The following COX10 variants were observed in gnomAD, a reference collection of about 807,000 sequenced individuals.
The protein encoded by COX10 is protoheme IX farnesyltransferase, mitochondrial.
A neutral mutation model predicts 37.3 loss-of-function variants in COX10; 27 were observed. The observed-to-expected ratio is 0.72, with a 90% CI of 0.53 to 1.00. The LOEUF (loss-of-function observed/expected upper bound fraction) is 1.00, where lower values mean the gene tolerates loss of function less well. Ranked by LOEUF, COX10 falls within the 50% of genes least tolerant of loss-of-function variation. The pLI is 0.00. For missense variants in COX10, 475 were observed against 563.2 expected (o/e 0.84, Z 1.59); for synonymous variants, 222 against 229.1 (o/e 0.97, Z 0.28).
intron 1 of COX10, among the ~76,000 whole-genome samples, chr17:14,072,768 A>G (rs1016489141): frequency 6.6e-6 from 1 of 152,192 alleles, no homozygotes; most frequent in East Asian, 1.9e-4. Context: ...TGGGGTTGTG[A>G]TAGTTCTCCT....
intron 5 of COX10, among the ~76,000 whole-genome samples, chr17:14,171,044 G>C (rs1905450497): frequency 6.6e-6 from 1 of 152,072 alleles, no homozygotes; most frequent in Non-Finnish European, 1.5e-5. Flanking sequence ...TCAAAGGATG[G>C]GGAGAAGTAA....
rs145948285 is a variant in COX10, at chr17:14,076,859, C to T, written c.302C>T (p.Pro101Leu). 420 of 1,614,094 alleles carry T rather than the reference C, an allele frequency of 2.6e-4. No individual in the cohort carries two copies. The East Asian group carries it at 4.8e-3, about 18-fold the overall frequency. The change falls in exon 3 of 7, where the codon CCT becomes CTT. Residue 101 changes from proline to leucine, a missense_variant. By Grantham distance (98) the Pro-to-Leu change is moderately conservative (BLOSUM62 -3). Coordinates refer to ENST00000261643, the MANE Select transcript of COX10 (RefSeq NM_001303.4). ...QAKAEIYEMR[P>L]LSPPSLSLSR... ...AAAGCAGAAATATATGAGATGAGAC[C>T]TCTCTCACCGCCCAGCCTATCTTTG...
At chr17:14,104,502 T>A (rs1304304807) in intron 4 of COX10, among the ~76,000 whole-genome samples, 1 of 152,110 alleles carries the variant, frequency 6.6e-6, no homozygotes, top group African/African-American at 2.4e-5. Flanking sequence ...TTACTATACT[T>A]TTTTTAGAGG....
At chr17:14,196,344 T>C (rs1235306483) in intron 6 of COX10, among the ~76,000 whole-genome samples, 3 of 152,210 alleles carry the variant, frequency 2.0e-5, no homozygotes, top group Non-Finnish European at 4.4e-5. Context: ...TTCAGAGGGC[T>C]GTGGGCTCTC....
chr17:14,203,442 C>G (rs555575832), intron 6 of COX10, among the ~76,000 whole-genome samples: 15 of 152,270 alleles, frequency 9.9e-5, no homozygotes, highest in African/African-American at 3.1e-4. Flanking sequence ...CTTAAACCAT[C>G]TGTACCCACA....
intron 3 of COX10, among the ~76,000 whole-genome samples, chr17:14,093,598 T>A (rs930914146): frequency 3.3e-5 from 5 of 152,178 alleles, no homozygotes; most frequent in African/African-American, 9.6e-5. Context: ...TGTAAAAGCC[T>A]CCATTTATGG....
chr17:14,122,642 C>A (rs1916256005), intron 4 of COX10, among the ~76,000 whole-genome samples: 1 of 152,038 alleles, frequency 6.6e-6, no homozygotes, highest in East Asian at 1.9e-4. Flanking sequence ...CCCTTGTCCA[C>A]CTGTAAGAAG....
intron 4 of COX10, among the ~76,000 whole-genome samples, chr17:14,121,142 A>G (rs1916218546): frequency 6.6e-6 from 1 of 152,172 alleles, no homozygotes; most frequent in Non-Finnish European, 1.5e-5. Context: ...ATTTGTTCAT[A>G]ACTTCCAGTT....
At chr17:14,199,665 G>A (rs900056743) in intron 6 of COX10, among the ~76,000 whole-genome samples, 1 of 152,150 alleles carries the variant, frequency 6.6e-6, no homozygotes, top group Non-Finnish European at 1.5e-5. Flanking sequence ...AGCAGTTATT[G>A]CCCACTCTAT....
At position 14,203,524 on chromosome 17, in the gene COX10, A is replaced by G. The variant is rs905767204; in HGVS notation, c.929-3286A>G. Among the ~76,000 whole-genome samples, 6 of 152,192 alleles carry G rather than the reference A, an allele frequency of 3.9e-5. No homozygotes were observed. The East Asian group carries it at 1.2e-3, about 29-fold the overall frequency. ...CTCAGAAATGATTAAGTTTCTCCCC[A>G]GAACAATGTGCATTAAAAATCCTCC... is the stretch of plus-strand genomic sequence containing the variant. On this transcript the variant is annotated intron_variant, in intron 6 of 6. Transcript: ENST00000261643.
At chr17:14,202,092 CTT>C (rs369469313) in intron 6 of COX10, among the ~76,000 whole-genome samples, 40,083 of 145,576 alleles carry the variant, frequency 0.28, 6,160 homozygotes, top group Non-Finnish European at 0.35. Context: ...AGATCTCTCT[CTT>C]TTTTTTTTTT....
At chr17:14,116,204 C>T (rs967738562) in intron 4 of COX10, among the ~76,000 whole-genome samples, 5 of 152,100 alleles carry the variant, frequency 3.3e-5, no homozygotes, top group Middle Eastern at 3.4e-3. Context: ...CATCAGTCCC[C>T]GTTATCCTTT....
intron 5 of COX10, among the ~76,000 whole-genome samples, chr17:14,180,710 G>A (rs1287037112): frequency 1.3e-5 from 2 of 152,098 alleles, no homozygotes; most frequent in African/African-American, 2.4e-5. Flanking sequence ...TAAAACATAC[G>A]TTTTAGGAGC....
chr17:14,076,953 T>TG lies in COX10; in HGVS notation c.397dup (p.Val133GlyfsTer20), dbSNP rs1567585695. 2 of 1,614,130 alleles carry TG rather than the reference T, an allele frequency of 1.2e-6. No homozygotes were observed. The highest frequency in any genetic ancestry group is 2.2e-5 in the South Asian group (2 of 91,084). ...ACTCAGTAATTGAAGACTCAATAGA[T>TG]GTAGGGAAAGAGACAAAAGAGGAAA... On this transcript the variant is annotated frameshift_variant, in exon 3 of 7. Coordinates refer to ENST00000261643, the MANE Select transcript of COX10 (RefSeq NM_001303.4). LOFTEE classifies it high-confidence loss of function.
rs570537544 is a variant in COX10, at chr17:14,127,294, G to T, written c.624+25052G>T. On this transcript the variant is annotated intron_variant, in intron 4 of 6. Transcript: ENST00000261643. ...CTTTTCCTCTGTCTGTTTTCCTGGT[G>T]TGCTACCAGTAAATAAAGTTATAAC... Among the ~76,000 whole-genome samples the T allele has an allele frequency of 6.4e-4, 97 of 152,258 alleles. 1 individual carries two copies. Among genetic ancestry groups the T allele is most frequent in the Admixed American group, 8.5e-4 (13 of 15,294 alleles).
chr17:14,069,549 G>A lies in COX10; in HGVS notation c.-57G>A, dbSNP rs539688640. ...GGGAAGGAAGATGGCGGCGCCCAGCGTCCCGTGAGGAGAGAGGACACAGGG... is the reference window on the plus strand; with the variant it reads ...GGGAAGGAAGATGGCGGCGCCCAGCATCCCGTGAGGAGAGAGGACACAGGG... On this transcript the variant is annotated 5_prime_UTR_variant, in exon 1 of 7. Coordinates refer to ENST00000261643, the MANE Select transcript of COX10 (RefSeq NM_001303.4). 56 of 1,604,160 alleles carry A rather than the reference G, an allele frequency of 3.5e-5. 1 individual carries two copies. In the South Asian group the frequency reaches 5.8e-4, roughly 16 times the overall value.
At chr17:14,190,646 C>T (rs1173503713) in intron 5 of COX10, among the ~76,000 whole-genome samples, 1 of 151,958 alleles carries the variant, frequency 6.6e-6, no homozygotes, top group East Asian at 1.9e-4. Flanking sequence ...AGAGTGGTGG[C>T]CAGAATTCTC....
chr17:14,205,346 A>G (rs1261710845), intron 6 of COX10, among the ~76,000 whole-genome samples: 2 of 152,038 alleles, frequency 1.3e-5, no homozygotes. Flanking sequence ...CCTTCCTCAG[A>G]GAAGCCACCT....
intron 4 of COX10, among the ~76,000 whole-genome samples, chr17:14,153,017 T>G (rs1330644073): frequency 6.6e-6 from 1 of 152,186 alleles, no homozygotes; most frequent in Non-Finnish European, 1.5e-5. Flanking sequence ...ACTGCTTCAT[T>G]TCCAACGTCC....
Sources: allele counts gnomAD v4.1 joint callset (sites outside exome capture counted in the v4.1 genomes callset), GRCh38; gene constraint gnomAD v4.1.1; transcripts MANE v1.5; gene names NCBI Gene and HGNC (gene_info 2026-07-23, HGNC 2026-07-21).